Variants in MICAL2 observed in about 807,000 individuals in gnomAD.
MICAL2 encodes microtubule associated monooxygenase, calponin and LIM domain containing 2.
In MICAL2, 77 loss-of-function variants were observed where a neutral mutation model predicts 127.3. That is an observed-to-expected ratio of 0.60 (90% CI 0.50 to 0.73). The LOEUF is 0.73. MICAL2 is among the 30% of genes least tolerant of loss of function. The probability of loss-of-function intolerance (pLI) is 0.00; values close to 1 mark genes in which losing one functional copy is unlikely to be tolerated. For missense variants in MICAL2, 1,351 were observed against 1,434.4 expected (o/e 0.94, Z 0.94); for synonymous variants, 570 against 551.1 (o/e 1.03, Z -0.48).
intron 2 of MICAL2, among the ~76,000 whole-genome samples, chr11:12,154,402 A>T (rs1420101031): frequency 6.6e-6 from 1 of 152,164 alleles, no homozygotes; most frequent in Non-Finnish European, 1.5e-5. Flanking sequence ...CAGTCAGGGA[A>T]AGAAGACTCC....
At chr11:12,251,173 A>G (rs61877169) in intron 22 of MICAL2, among the ~76,000 whole-genome samples, 24,198 of 151,680 alleles carry the variant, frequency 0.16, 2,142 homozygotes, top group South Asian at 0.32. Context: ...ATAACAGGCC[A>G]TAATGGATTA....
chr11:12,156,657 C>G (rs1220039190), intron 2 of MICAL2, among the ~76,000 whole-genome samples: 2 of 152,172 alleles, frequency 1.3e-5, no homozygotes, highest in Non-Finnish European at 2.9e-5. Context: ...CCAGCCCTAC[C>G]TGGGCCAGGT....
At chr11:12,268,992 C>T (rs766111890) in intron 24 of MICAL2, among the ~76,000 whole-genome samples, 12 of 151,920 alleles carry the variant, frequency 7.9e-5, no homozygotes, top group South Asian at 2.1e-4. Flanking sequence ...AGCGAGACTC[C>T]GTCTCAAAGG....
chr11:12,358,335 A>G, exon 35 of MICAL2: 1 of 1,614,210 alleles, frequency 6.2e-7, no homozygotes, highest in Non-Finnish European at 8.5e-7. Flanking sequence ...AAGAGCAAGA[A>G]GTATTCACCG....
chr11:12,250,118 A>C (rs1048707614), intron 22 of MICAL2: 3 of 152,142 alleles, frequency 2.0e-5, no homozygotes, highest in African/African-American at 7.2e-5. Flanking sequence ...CCGTGTTTCT[A>C]TCTAGATTGG....
chr11:12,242,570 C>G, intron 19 of MICAL2, 101 bp from the exon 20 acceptor site: 1 of 1,432,250 alleles, frequency 7.0e-7, no homozygotes, highest in Middle Eastern at 1.8e-4. Flanking sequence ...GGTGAGCAGG[C>G]AAGGCCCCCG....
At chr11:12,284,563 G>T (rs765189745) in intron 2 of MICAL2, among the ~76,000 whole-genome samples, 10 of 152,036 alleles carry the variant, frequency 6.6e-5, no homozygotes, top group African/African-American at 2.4e-4. Flanking sequence ...TTTCCAATAG[G>T]TTCCATTCCA....
intron 3 of MICAL2, among the ~76,000 whole-genome samples, chr11:12,171,402 C>T (rs1856236733): frequency 6.6e-6 from 1 of 152,194 alleles, no homozygotes; most frequent in African/African-American, 2.4e-5. Context: ...CCTGGCTTCC[C>T]TCTTCCTTGC....
chr11:12,299,747 A>G (rs1238683423), intron 29 of MICAL2, among the ~76,000 whole-genome samples: 1 of 152,210 alleles, frequency 6.6e-6, no homozygotes, highest in Non-Finnish European at 1.5e-5. Flanking sequence ...CAAAATGCAC[A>G]TTTGTGTAAT....
chr11:12,350,097 A>G (rs561123095), intron 33 of MICAL2, among the ~76,000 whole-genome samples: 1 of 152,344 alleles, frequency 6.6e-6, no homozygotes, highest in Non-Finnish European at 1.5e-5. Flanking sequence ...TCATGCTGGC[A>G]TTAGTGCAAA....
chr11:12,355,047 G>A (rs983105415), intron 34 of MICAL2, among the ~76,000 whole-genome samples: 1 of 152,162 alleles, frequency 6.6e-6, no homozygotes, highest in African/African-American at 2.4e-5. Flanking sequence ...GGGCTGTGAG[G>A]GCAGTGCTTT....
chr11:12,257,730 A>C (rs935720694), intron 24 of MICAL2, among the ~76,000 whole-genome samples: 1 of 152,202 alleles, frequency 6.6e-6, no homozygotes, highest in African/African-American at 2.4e-5. Context: ...ATTCATGTGA[A>C]GCTCATAGCA....
chr11:12,261,068 C>T (rs777961268), intron 26 of MICAL2: 251 of 985,556 alleles, frequency 2.5e-4, no homozygotes, highest in Non-Finnish European at 3.0e-4. Flanking sequence ...CAAGGCTGTG[C>T]AGGGTCCATA....
intron 3 of MICAL2, among the ~76,000 whole-genome samples, chr11:12,193,927 G>T (rs1377933249): frequency 6.6e-6 from 1 of 152,212 alleles, no homozygotes; most frequent in Non-Finnish European, 1.5e-5. Flanking sequence ...ACATCATTTT[G>T]CCTCTGGACC....
In MICAL2 at chr11:12,330,314, C is replaced by T. The variant is rs145790806; in HGVS notation, c.5515+3048C>T. 2.2e-3 allele frequency among the ~76,000 whole-genome samples: 328 copies of T among 152,098 alleles called. 6 individuals carry two copies. The highest frequency in any genetic ancestry group is 7.6e-3 in the African/African-American group (317 of 41,466). Reference sequence around the variant, plus strand: ...GTATTTGAGCTGGCCTGTGCTGCTCCGGTTCAAGTGATTTAATGGGAATTA... The same window carrying T: ...GTATTTGAGCTGGCCTGTGCTGCTCTGGTTCAAGTGATTTAATGGGAATTA... On this transcript the variant is annotated intron_variant, in intron 32 of 34. Transcript: ENST00000646065.
intron 13 of MICAL2, among the ~76,000 whole-genome samples, chr11:12,225,334 C>T (rs1471276781): frequency 6.6e-6 from 1 of 152,172 alleles, no homozygotes; most frequent in East Asian, 1.9e-4. Flanking sequence ...TTTGAGGAAA[C>T]ACTGTGGTGC....
intron 15 of MICAL2, among the ~76,000 whole-genome samples, chr11:12,231,888 T>C (rs141327001): frequency 7.6e-4 from 116 of 152,282 alleles, no homozygotes; most frequent in African/African-American, 2.5e-3. Flanking sequence ...GCAATCTCAG[T>C]CCAGGATTCA....
intron 1 of MICAL2, among the ~76,000 whole-genome samples, chr11:12,132,583 A>G (rs1851509956): frequency 6.6e-6 from 1 of 152,264 alleles, no homozygotes; most frequent in African/African-American, 2.4e-5. Flanking sequence ...AAACAAAGAG[A>G]ATAGCCATTA....
chr11:12,315,601 G>A (rs540099264), intron 29 of MICAL2, among the ~76,000 whole-genome samples: 67 of 151,180 alleles, frequency 4.4e-4, no homozygotes, highest in Admixed American at 6.7e-4. Flanking sequence ...TGTGGTCAGA[G>A]AACATGGTTT....
Sources: allele counts gnomAD v4.1 joint callset (sites outside exome capture counted in the v4.1 genomes callset), GRCh38; gene constraint gnomAD v4.1.1; transcripts MANE v1.5; gene names NCBI Gene and HGNC (gene_info 2026-07-23, HGNC 2026-07-21).